Variants in SLC7A10 observed in about 807,000 individuals in gnomAD.
SLC7A10 encodes the protein solute carrier family 7 member 10, also known as asc-type amino acid transporter 1.
In SLC7A10, 30 loss-of-function variants were observed where a neutral mutation model predicts 52.7. The ratio of observed to expected loss-of-function variants is 0.57; its 90% CI spans 0.43 to 0.77. SLC7A10 has a LOEUF of 0.77. SLC7A10 is among the 30% of genes least tolerant of loss of function. The pLI is 0.00. For missense variants in SLC7A10, 581 were observed against 698.5 expected, an observed-to-expected ratio of 0.83 and a Z score of 1.90; for synonymous variants, 318 against 314.9, an observed-to-expected ratio of 1.01 and a Z score of -0.10.
rs777496740 is a variant in SLC7A10, at chr19:33,225,555, A to G, written c.149T>C (p.Ile50Thr). 3.8e-6 allele frequency: 6 copies of G among 1,596,316 alleles called. No individual in the cohort carries two copies. In the Admixed American group the frequency reaches 6.7e-5, roughly 18 times the overall value. The stretch of plus-strand genomic sequence containing the variant: ...CCGCCCGCCTGGGTCCCGCTCACCG[A>G]TGATGATGGTGCAGGCGCTCAGCAG... ...IGLLSACTII[I>T]GNIIGSGIFI... is the part of the protein sequence containing the mutation. The change falls in exon 1 of 11, where the codon ATC becomes ACC. Residue 50 changes from isoleucine (I) to threonine (T), a missense_variant and splice_region_variant. Coordinates refer to ENST00000253188, the MANE Select transcript of SLC7A10 (RefSeq NM_019849.3).
In SLC7A10 at chr19:33,225,428, G is replaced by A. The variant is rs1156482182; in HGVS notation, c.151+125C>T. ...TCCCCGCGGTCATAGCGCTCTCTGA[G>A]GCCAGACTGCAGGTTCCCCAGGCAG... On this transcript the variant is annotated intron_variant, in intron 1 of 10. Transcript: ENST00000253188. The A allele has an allele frequency of 4.1e-6, 5 of 1,217,088 alleles. No homozygotes were observed. In the South Asian group the frequency reaches 6.5e-5, roughly 16 times the overall value. 75.4% of individuals were successfully genotyped at this position (1,217,088 alleles called of 1,614,324 possible). A position where few individuals can be genotyped will look rare whatever the true frequency, so the allele number is the denominator to read the frequency against.
intron 1 of SLC7A10, among the ~76,000 whole-genome samples, chr19:33,223,572 T>C (rs369966419): frequency 6.6e-6 from 1 of 151,994 alleles, no homozygotes; most frequent in South Asian, 2.1e-4. Context: ...CCCCACCTCC[T>C]ATCACCTTCT....
intron 3 of SLC7A10, 50 bp downstream of exon 3, chr19:33,212,801 G>A (rs1599948941): frequency 1.9e-6 from 3 of 1,608,776 alleles, no homozygotes; most frequent in African/African-American, 2.7e-5. Context: ...GCAGGATGGA[G>A]CCCGGGCAGG....
At chr19:33,211,073 AT>A in intron 7 of SLC7A10, 151 bp downstream of exon 7, 1 of 969,546 alleles carries the variant, frequency 1.0e-6, no homozygotes, top group Non-Finnish European at 1.6e-6. Context: ...CCCAGTTGTG[AT>A]CAGACACTTG....
chr19:33,225,619 C>A lies in SLC7A10; in HGVS notation c.85G>T (p.Gly29Cys). The change falls in exon 1 of 11, where the codon GGC (glycine) becomes TGC (cysteine). Residue 29 changes from glycine (G) to cysteine (C), a missense_variant. By Grantham distance (159) the Gly-to-Cys change is radical (BLOSUM62 -3). Transcript: ENST00000253188. ...SPSPVPGTVP[G>C]ASERVALKKE... ...TTGAGCGCCACCCGCTCCGAGGCGCCGGGGACGGTCCCTGGGACTGGGGAG... is the reference window on the plus strand; with the variant it reads ...TTGAGCGCCACCCGCTCCGAGGCGCAGGGGACGGTCCCTGGGACTGGGGAG... The A allele has an allele frequency of 6.3e-7, 1 of 1,592,494 alleles. No homozygotes were observed. Among genetic ancestry groups the A allele is most frequent in the Non-Finnish European group, 8.5e-7 (1 of 1,177,914 alleles).
chr19:33,219,101 G>A (rs112167751), intron 1 of SLC7A10, among the ~76,000 whole-genome samples: 4,925 of 152,078 alleles, frequency 0.032, 116 homozygotes, highest in Non-Finnish European at 0.048. Flanking sequence ...AGGCCTCCAC[G>A]TTCCTGTCCA....
At chr19:33,223,799 C>T (rs1309900739) in intron 1 of SLC7A10, among the ~76,000 whole-genome samples, 1 of 152,134 alleles carries the variant, frequency 6.6e-6, no homozygotes, top group Non-Finnish European at 1.5e-5. Context: ...AGGTAGTGGA[C>T]CTGGCACAGC....
intron 1 of SLC7A10, among the ~76,000 whole-genome samples, chr19:33,218,688 T>TCTTTC (rs1568394290): frequency 2.6e-5 from 1 of 38,128 alleles, no homozygotes; most frequent in African/African-American, 6.5e-5. Context: ...TTTCTTTTTT[T>TCTTTC]TTTTTTTTTA....
At chr19:33,211,624 C>T in intron 5 of SLC7A10, 87 bp from the exon 6 acceptor site, 1 of 1,606,604 alleles carries the variant, frequency 6.2e-7, no homozygotes, top group Non-Finnish European at 8.5e-7. Context: ...CTCATAGTCT[C>T]CATCTCTTGT....
At chr19:33,218,690 T>TCTTTCTTTCTTTC (rs199544613) in intron 1 of SLC7A10, among the ~76,000 whole-genome samples, 11 of 90,420 alleles carry the variant, frequency 1.2e-4, no homozygotes, top group East Asian at 1.2e-3. Flanking sequence ...TCTTTTTTTT[T>TCTTTCTTTCTTTC]TTTTTTTAGT....
intron 1 of SLC7A10, among the ~76,000 whole-genome samples, chr19:33,224,865 C>T (rs965024676): frequency 7.2e-5 from 11 of 152,118 alleles, no homozygotes; most frequent in Admixed American, 1.3e-4. Context: ...CCAGACCAGG[C>T]GAGTGTCCAG....
Position 33,208,758 on chromosome 19 carries a change from T to TA in SLC7A10, c.*132dup, listed in dbSNP as rs57394649. ...CCCAGTCCACATTTTAGGGCTTCCT[T>TA]AAACAGGCTTCTGAGAGTCGTATCT... On this transcript the variant is annotated 3_prime_UTR_variant, in exon 11 of 11. Coordinates refer to ENST00000253188, the MANE Select transcript of SLC7A10 (RefSeq NM_019849.3). This position sits in a 1 kb window ranked among gnomAD's most constrained non-coding sequence, Gnocchi z 4.7. The TA allele has an allele frequency of 0.85, 1,075,815 of 1,259,696 alleles. 465,288 individuals are homozygous for TA. The highest frequency in any genetic ancestry group is 0.89 in the Non-Finnish European group (791,826 of 890,978). The allele number at this position is 1,259,696 out of a possible 1,614,324, so 78.0% of individuals were successfully genotyped here.
chr19:33,220,291 G>A (rs1296516938), intron 1 of SLC7A10: 1 of 152,194 alleles, frequency 6.6e-6, no homozygotes, highest in Non-Finnish European at 1.5e-5. Context: ...CGGCTCGTTC[G>A]GCTCAGCCAG....
chr19:33,216,623 C>T (rs757573691), intron 1 of SLC7A10, among the ~76,000 whole-genome samples: 2 of 151,980 alleles, frequency 1.3e-5, no homozygotes, highest in Non-Finnish European at 2.9e-5. Context: ...CTTTCCTTTC[C>T]TTTCTCTTTT....
chr19:33,222,411 TATAAAATAAAATATAAAATAAA>T (rs1974827558), intron 1 of SLC7A10, among the ~76,000 whole-genome samples: 4 of 132,942 alleles, frequency 3.0e-5, no homozygotes, highest in Non-Finnish European at 6.4e-5. Flanking sequence ...TAAAATAAAA[TATAAAATAAAATATAAAATAAA>T]ATAAAATAAA....
chr19:33,213,134 C>T lies in SLC7A10; in HGVS notation c.357-132G>A, dbSNP rs558230864. 1.2e-3 allele frequency: 1,501 copies of T among 1,214,400 alleles called. 1 individual carries two copies. The highest frequency in any genetic ancestry group is 1.6e-3 in the Non-Finnish European group (1,319 of 850,740). The allele number at this position is 1,214,400 out of a possible 1,614,324, so 75.2% of individuals were successfully genotyped here. ...TGGCGAGGCTGCCAGAGGCCAGCAC[C>T]GGTCCAGGGAGGCAGGGTTGACCTT... On this transcript the variant is annotated intron_variant, in intron 2 of 10. Transcript: ENST00000253188.
In SLC7A10 at chr19:33,221,551, C is replaced by G. The variant is rs141840742; in HGVS notation, c.151+4002G>C. Among the ~76,000 whole-genome samples the G allele has an allele frequency of 7.5e-3, 1,135 of 152,294 alleles. 10 individuals carry two copies. Among genetic ancestry groups the G allele is most frequent in the Non-Finnish European group, 0.012 (850 of 68,022 alleles). On this transcript the variant is annotated intron_variant, in intron 1 of 10. Coordinates refer to ENST00000253188, the MANE Select transcript of SLC7A10 (RefSeq NM_019849.3). ...CTGTAAATGGAACTGTAGTGGGGAA[C>G]AGCTAAGCCCCTGCACAGTTGTATG...
At chr19:33,213,692 C>T (rs548896231) in intron 2 of SLC7A10, among the ~76,000 whole-genome samples, 9 of 152,340 alleles carry the variant, frequency 5.9e-5, no homozygotes, top group African/African-American at 1.9e-4. Flanking sequence ...CTGGCTCTCG[C>T]AGAGTACTGT....
At chr19:33,220,222 T>C (rs2145490450) in intron 1 of SLC7A10, 1 of 152,370 alleles carries the variant, frequency 6.6e-6, no homozygotes, top group South Asian at 2.1e-4. Flanking sequence ...GGCACCCGAC[T>C]CCAGCCTAAC....
Sources: allele counts gnomAD v4.1 joint callset (sites outside exome capture counted in the v4.1 genomes callset), GRCh38; gene constraint gnomAD v4.1.1; non-coding constraint Gnocchi (gnomAD v3.1); transcripts MANE v1.5; gene names NCBI Gene and HGNC (gene_info 2026-07-23, HGNC 2026-07-21).